MCMDC2: variants seen among roughly 807,000 people sequenced by gnomAD.
MCMDC2 encodes minichromosome maintenance domain-containing protein 2.
Under a neutral mutation model 75.8 loss-of-function variants are expected in MCMDC2, and 54 were observed. That is an observed-to-expected ratio of 0.71 (90% CI 0.57 to 0.89). The LOEUF is 0.89. MCMDC2 is among the 40% of genes least tolerant of loss of function. MCMDC2 has a pLI of 0.00. For synonymous variants in MCMDC2, 249 were observed against 274.6 expected (o/e 0.91, Z 0.92); for missense variants, 656 against 780.4 (o/e 0.84, Z 1.90).
intron 14 of MCMDC2, among the ~76,000 whole-genome samples, chr8:66,917,529 T>G (rs1017548230): frequency 6.6e-6 from 1 of 152,168 alleles, no homozygotes; most frequent in African/African-American, 2.4e-5. Context: ...TTTTTCATCT[T>G]CCCAAACTGA....
chr8:66,907,373 A>G (rs1028696133), intron 14 of MCMDC2, among the ~76,000 whole-genome samples: 2 of 152,184 alleles, frequency 1.3e-5, no homozygotes, highest in Non-Finnish European at 2.9e-5. Flanking sequence ...GATGGTTTCC[A>G]GCTTCATCCA....
chr8:66,891,045 A>G lies in MCMDC2; in HGVS notation c.1254A>G (p.Lys418=), dbSNP rs754732110. 3.1e-6 allele frequency: 5 copies of G among 1,594,432 alleles called. No homozygotes were observed. Among genetic ancestry groups the G allele is most frequent in the Admixed American group, 1.9e-5 (1 of 52,550 alleles). The change falls in exon 10 of 15, where the codon AAA becomes AAG. Residue 418 remains lysine (K), a synonymous_variant. Transcript: ENST00000422365. ...TAGGAGACTTGGCTTCACACAAAAA[A>G]GATAAACTTGAACAGCTTCAAACAG... ...CFIGDLASHK[K]DKLEQLQTVL...
chr8:66,894,789 C>A (rs1453644393), intron 10 of MCMDC2, among the ~76,000 whole-genome samples: 1 of 152,106 alleles, frequency 6.6e-6, no homozygotes, highest in East Asian at 1.9e-4. Flanking sequence ...TGAAAGTGTA[C>A]AGTTAAGTGC....
intron 14 of MCMDC2, among the ~76,000 whole-genome samples, chr8:66,912,434 C>T (rs1015092788): frequency 5.3e-5 from 8 of 152,106 alleles, no homozygotes; most frequent in Admixed American, 5.2e-4. Flanking sequence ...TAGAATAGTC[C>T]ATAAACTTAG....
intron 8 of MCMDC2, among the ~76,000 whole-genome samples, chr8:66,883,349 A>G (rs1433693190): frequency 6.6e-6 from 1 of 152,248 alleles, no homozygotes; most frequent in Non-Finnish European, 1.5e-5. Flanking sequence ...TGGTTTGCTC[A>G]CATAGATCTT....
intron 9 of MCMDC2, among the ~76,000 whole-genome samples, chr8:66,887,862 C>G (rs1198274522): frequency 6.6e-6 from 1 of 152,076 alleles, no homozygotes; most frequent in Non-Finnish European, 1.5e-5. Flanking sequence ...TTCAATTGAA[C>G]TAGGCAGAAT....
intron 9 of MCMDC2, among the ~76,000 whole-genome samples, chr8:66,889,847 A>C (rs1404638318): frequency 6.6e-6 from 1 of 152,152 alleles, no homozygotes; most frequent in Non-Finnish European, 1.5e-5. Context: ...AGACTCAAAC[A>C]GAACAAAAGA....
chr8:66,914,005 T>G (rs1813213467), intron 14 of MCMDC2, among the ~76,000 whole-genome samples: 1 of 141,978 alleles, frequency 7.0e-6, no homozygotes, highest in African/African-American at 2.6e-5. Flanking sequence ...TGGTGGGGCA[T>G]CATGGCTCAT....
At chr8:66,891,917 T>C (rs73693631) in intron 10 of MCMDC2, among the ~76,000 whole-genome samples, 19,601 of 152,178 alleles carry the variant, frequency 0.13, 2,408 homozygotes, top group African/African-American at 0.32. Context: ...TGGCTTCTAC[T>C]GAGGGCCCTG....
At chr8:66,889,109 TCTCA>T (rs1446533281) in intron 9 of MCMDC2, among the ~76,000 whole-genome samples, 1 of 152,212 alleles carries the variant, frequency 6.6e-6, no homozygotes, top group Admixed American at 6.5e-5. Flanking sequence ...CCTATCCACA[TCTCA>T]CTCTTTTGCA....
At chr8:66,922,634 C>A (rs1813597668), downstream of MCMDC2, 3 of 409,826 alleles carry the variant, frequency 7.3e-6, no homozygotes, top group East Asian at 6.5e-5. Context: ...GCCGCGTGAT[C>A]CTAGTAGTTT....
chr8:66,886,384 C>T (rs1811840847), intron 9 of MCMDC2, among the ~76,000 whole-genome samples: 2 of 152,032 alleles, frequency 1.3e-5, no homozygotes, highest in South Asian at 4.1e-4. Flanking sequence ...CGGCTAGTCT[C>T]GAACTCCTGA....
chr8:66,876,914 T>C (rs565862601), intron 4 of MCMDC2, among the ~76,000 whole-genome samples: 95 of 151,878 alleles, frequency 6.3e-4, no homozygotes, highest in South Asian at 1.2e-3. Flanking sequence ...GCGCCTGCCA[T>C]CACACCCGGC....
chr8:66,915,843 C>G (rs1813295438), intron 14 of MCMDC2, among the ~76,000 whole-genome samples: 1 of 152,010 alleles, frequency 6.6e-6, no homozygotes, highest in African/African-American at 2.4e-5. Context: ...GAGGAACTAA[C>G]AAAGGAGGCT....
chr8:66,880,246 AT>A (rs1360848653), intron 7 of MCMDC2, among the ~76,000 whole-genome samples: 1 of 152,162 alleles, frequency 6.6e-6, no homozygotes, highest in Non-Finnish European at 1.5e-5. Context: ...AATATCTTAC[AT>A]GCTGGGCATG....
At chr8:66,903,073 A>G (rs1199663906) in intron 13 of MCMDC2, among the ~76,000 whole-genome samples, 2 of 151,792 alleles carry the variant, frequency 1.3e-5, no homozygotes, top group Non-Finnish European at 2.9e-5. Context: ...AGTGAGCTGC[A>G]ATTGGGCCAT....
chr8:66,888,587 G>A (rs1356437498), intron 9 of MCMDC2, among the ~76,000 whole-genome samples: 1 of 152,042 alleles, frequency 6.6e-6, no homozygotes, highest in Non-Finnish European at 1.5e-5. Flanking sequence ...CAAATATTTT[G>A]TTAAATTGGT....
intron 9 of MCMDC2, 25 bp downstream of exon 9, chr8:66,884,019 C>T: frequency 6.9e-7 from 1 of 1,456,692 alleles, no homozygotes; most frequent in African/African-American, 1.4e-5. Context: ...TGAATTTTTA[C>T]AAATATTAAT....
intron 9 of MCMDC2, among the ~76,000 whole-genome samples, chr8:66,887,607 A>C (rs1175985137): frequency 2.0e-5 from 3 of 152,114 alleles, no homozygotes; most frequent in Non-Finnish European, 4.4e-5. Flanking sequence ...AGAGTTTTTA[A>C]ATGTTTTCTT....
Sources: gnomAD v4.1 joint callset for allele counts (sites outside exome capture counted in the v4.1 genomes callset) on GRCh38, gnomAD v4.1.1 for gene constraint, MANE v1.5 for transcripts, NCBI Gene and HGNC (gene_info 2026-07-23, HGNC 2026-07-21) for gene names.